The following FBXL20 variants were observed in gnomAD, a reference collection of about 807,000 sequenced individuals.
FBXL20 encodes F-box and leucine rich repeat protein 20, also known as F-box/LRR-repeat protein 20.
Under a neutral mutation model 64.0 loss-of-function variants are expected in FBXL20, and 11 were observed. That is an observed-to-expected ratio of 0.17 (90% CI 0.11 to 0.28). FBXL20 has a LOEUF of 0.28. Ranked by LOEUF, FBXL20 falls within the 10% of genes least tolerant of loss-of-function variation. FBXL20 has a pLI of 1.00. For missense variants in FBXL20, 303 were observed against 526.2 expected (o/e 0.58, Z 4.15); for synonymous variants, 184 against 189.0 (o/e 0.97, Z 0.22).
chr17:39,345,052 C>T (rs1229053937), intron 1 of FBXL20, among the ~76,000 whole-genome samples: 1 of 152,112 alleles, frequency 6.6e-6, no homozygotes, highest in Non-Finnish European at 1.5e-5. Flanking sequence ...CAATCAAAAG[C>T]CCAGTAAAAA....
At chr17:39,306,184 T>C (rs889918974) in intron 2 of FBXL20, among the ~76,000 whole-genome samples, 2 of 149,120 alleles carry the variant, frequency 1.3e-5, no homozygotes, top group Admixed American at 1.3e-4. Flanking sequence ...GGAGTTTTGC[T>C]CTGTCGCCCA....
rs188741070 is a variant in FBXL20, at chr17:39,333,426, C to A, written c.104+9754G>T. On this transcript the variant is annotated intron_variant, in intron 2 of 14. Transcript: ENST00000264658. Reference sequence around the variant, plus strand: ...CCTCCCGAGGTGCCGGGACTGCAGACAGAGTGTCGCTCATTCAGTGCTCAA... The same window carrying A: ...CCTCCCGAGGTGCCGGGACTGCAGAAAGAGTGTCGCTCATTCAGTGCTCAA... Among the ~76,000 whole-genome samples, 6 of 152,372 alleles carry A rather than the reference C, an allele frequency of 3.9e-5. No homozygotes were observed. In the East Asian group the frequency reaches 9.6e-4, roughly 24 times the overall value.
In FBXL20 at chr17:39,385,088, G is replaced by T. The variant is rs187692157; in HGVS notation, c.42+16273C>A. Among the ~76,000 whole-genome samples, 149 of 152,344 alleles carry T rather than the reference G, an allele frequency of 9.8e-4. 1 individual carries two copies. The highest frequency in any genetic ancestry group is 3.4e-3 in the African/African-American group (141 of 41,576). ...GTAATCCCAATTAGCTATGCATGGT[G>T]GTGCATGCCTGTAGTCTCAGCTACT... On this transcript the variant is annotated intron_variant, in intron 1 of 14. Transcript: ENST00000264658.
intron 1 of FBXL20, among the ~76,000 whole-genome samples, chr17:39,398,118 C>T (rs1052859644): frequency 8.4e-5 from 12 of 142,392 alleles, no homozygotes; most frequent in African/African-American, 3.1e-4. Context: ...CCCGTCTCTA[C>T]TAAAAATACA....
At chr17:39,272,701 CAAAAAA>C (rs56138431) in intron 10 of FBXL20, among the ~76,000 whole-genome samples, 92 of 98,832 alleles carry the variant, frequency 9.3e-4, no homozygotes, top group African/African-American at 2.7e-3. Flanking sequence ...AACTCTATCT[CAAAAAA>C]AAAAAAAAAA....
At chr17:39,308,476 CA>C (rs1437461284) in intron 2 of FBXL20, among the ~76,000 whole-genome samples, 10 of 151,028 alleles carry the variant, frequency 6.6e-5, no homozygotes, top group Non-Finnish European at 1.2e-4. Context: ...GCCTGGGCAA[CA>C]GAGCCAGACT....
At chr17:39,308,967 G>T (rs1177720146) in intron 2 of FBXL20, among the ~76,000 whole-genome samples, 1 of 152,110 alleles carries the variant, frequency 6.6e-6, no homozygotes, top group African/African-American at 2.4e-5. Context: ...AAGTAGCTGA[G>T]ATTACAGGCA....
chr17:39,339,665 T>G (rs1004951990), intron 2 of FBXL20, among the ~76,000 whole-genome samples: 4 of 152,152 alleles, frequency 2.6e-5, no homozygotes, highest in African/African-American at 9.7e-5. Context: ...AACTTTTTTT[T>G]TTTTTGAGTC....
At position 39,370,712 on chromosome 17, in the gene FBXL20, G is replaced by A. The variant is rs532612358; in HGVS notation, c.43-27471C>T. ...CGGGAGGCTGAGGCAGGAGAATGGC[G>A]TGAACCTGGGAGGCGGAGCTTGCAG... is the stretch of plus-strand genomic sequence containing the variant. On this transcript the variant is annotated intron_variant, in intron 1 of 14. Transcript: ENST00000264658. 4.1e-4 allele frequency among the ~76,000 whole-genome samples: 61 copies of A among 147,124 alleles called. 1 individual carries two copies. Among genetic ancestry groups the A allele is most frequent in the Middle Eastern group, 3.7e-3 (1 of 270 alleles).
intron 1 of FBXL20, among the ~76,000 whole-genome samples, chr17:39,373,381 C>G (rs1279900927): frequency 6.6e-6 from 1 of 152,186 alleles, no homozygotes; most frequent in Non-Finnish European, 1.5e-5. Flanking sequence ...AGGCTCTCTC[C>G]TGCGTTGAAA....
intron 2 of FBXL20, among the ~76,000 whole-genome samples, chr17:39,337,596 C>T (rs1314249236): frequency 3.4e-5 from 5 of 146,632 alleles, no homozygotes; most frequent in African/African-American, 7.6e-5. Context: ...TGCCCGGCCG[C>T]GACCCCGTCT....
chr17:39,332,131 C>G (rs2047467206), intron 2 of FBXL20, among the ~76,000 whole-genome samples: 1 of 152,228 alleles, frequency 6.6e-6, no homozygotes, highest in African/African-American at 2.4e-5. Context: ...AAGGAAAACA[C>G]AGACTTGTAT....
chr17:39,276,324 A>AAAGGGAAGG (rs554393901), intron 9 of FBXL20, among the ~76,000 whole-genome samples: 3 of 150,854 alleles, frequency 2.0e-5, no homozygotes, highest in East Asian at 4.0e-4. Context: ...GAAAGAAAAG[A>AAAGGGAAGG]AAGGGAAGGA....
chr17:39,323,064 G>A (rs1411053085), intron 2 of FBXL20, among the ~76,000 whole-genome samples: 2 of 151,868 alleles, frequency 1.3e-5, no homozygotes, highest in East Asian at 1.9e-4. Context: ...CCGCCTCCAG[G>A]GTTCACGCCA....
At chr17:39,376,803 C>T (rs28799952) in intron 1 of FBXL20, among the ~76,000 whole-genome samples, 32,437 of 151,974 alleles carry the variant, frequency 0.21, 3,980 homozygotes, top group African/African-American at 0.33. Flanking sequence ...TTGCTTGAGA[C>T]CAGCCTGTGC....
intron 9 of FBXL20, among the ~76,000 whole-genome samples, chr17:39,275,859 CATTTACTTCTAT>C (rs2046885513): frequency 6.6e-6 from 1 of 152,034 alleles, no homozygotes; most frequent in South Asian, 2.1e-4. Context: ...CCACAGCATC[CATTTACTTCTAT>C]ATTTTAGTTT....
At chr17:39,395,579 T>A (rs2048175001) in intron 1 of FBXL20, among the ~76,000 whole-genome samples, 1 of 152,214 alleles carries the variant, frequency 6.6e-6, no homozygotes, top group Non-Finnish European at 1.5e-5. Context: ...TTCAAACCAG[T>A]TGCTAGAGTG....
intron 9 of FBXL20, among the ~76,000 whole-genome samples, chr17:39,280,167 C>T (rs183801059): frequency 1.1e-4 from 16 of 146,570 alleles, no homozygotes; most frequent in East Asian, 6.1e-4. Flanking sequence ...ACCTGGGAGG[C>T]GGAGGTTGCA....
intron 1 of FBXL20, among the ~76,000 whole-genome samples, chr17:39,363,039 G>A (rs1006718961): frequency 8.7e-5 from 13 of 150,144 alleles, no homozygotes; most frequent in Admixed American, 8.0e-4. Flanking sequence ...CACTCTTGTC[G>A]CCCAGGCTGG....
Sources: gnomAD v4.1 joint callset for allele counts (sites outside exome capture counted in the v4.1 genomes callset) on GRCh38, gnomAD v4.1.1 for gene constraint, MANE v1.5 for transcripts, NCBI Gene and HGNC (gene_info 2026-07-23, HGNC 2026-07-21) for gene names.